KIF3B: variants seen among roughly 807,000 people sequenced by gnomAD.
KIF3B encodes the protein kinesin-like protein KIF3B.
Under a neutral mutation model 74.3 loss-of-function variants are expected in KIF3B, and 38 were observed. The observed-to-expected ratio is 0.51, with a 90% CI of 0.39 to 0.67. The LOEUF is 0.67. Ranked by LOEUF, KIF3B falls within the 30% of genes least tolerant of loss-of-function variation. The probability of loss-of-function intolerance (pLI) is 0.00; values close to 1 mark genes in which losing one functional copy is unlikely to be tolerated. For synonymous variants in KIF3B, 326 were observed against 342.5 expected (o/e 0.95, Z 0.53); for missense variants, 649 against 932.0 (o/e 0.70, Z 3.95).
chr20:32,299,197 A>G (rs1465451442), intron 1 of KIF3B, among the ~76,000 whole-genome samples: 2 of 151,366 alleles, frequency 1.3e-5, no homozygotes, highest in African/African-American at 2.4e-5. Context: ...CAACTACTCA[A>G]CTCTATTCAC....
At position 32,326,864 on chromosome 20, in the gene KIF3B, A is replaced by G. The variant is rs144941970; in HGVS notation, c.1842A>G (p.Leu614=). ...FFDEEEDHWK[L]HPITRLENQQ... is the part of the protein sequence containing the mutation. Reference sequence around the variant, plus strand: ...ATGAAGAGGAAGATCATTGGAAACTACATCCTATAACCAGACTGGAGTAAG... The same window carrying G: ...ATGAAGAGGAAGATCATTGGAAACTGCATCCTATAACCAGACTGGAGTAAG... Residue 614 remains leucine, a synonymous_variant, in exon 6 of 9, where the codon CTA becomes CTG. Transcript: ENST00000375712. 6.5e-5 allele frequency: 100 copies of G among 1,549,990 alleles called. 1 individual carries two copies. In the African/African-American group the frequency reaches 1.2e-3, roughly 18 times the overall value.
At chr20:32,277,998 TG>T (rs1290866319) in intron 1 of KIF3B, among the ~76,000 whole-genome samples, 1 of 152,090 alleles carries the variant, frequency 6.6e-6, no homozygotes, top group Non-Finnish European at 1.5e-5. Flanking sequence ...GCAGCCCACC[TG>T]GGGGCCCTGA....
At chr20:32,313,701 ATTTTGTTTTG>A (rs11472947) in intron 2 of KIF3B, among the ~76,000 whole-genome samples, 14 of 150,626 alleles carry the variant, frequency 9.3e-5, no homozygotes, top group Non-Finnish European at 1.8e-4. Context: ...CTGTGCCCAT[ATTTTGTTTTG>A]TTTTGTTTTG....
At chr20:32,329,089 G>A (rs954484604) in intron 7 of KIF3B, among the ~76,000 whole-genome samples, 1 of 152,164 alleles carries the variant, frequency 6.6e-6, no homozygotes, top group Non-Finnish European at 1.5e-5. Flanking sequence ...TGTATTTTTA[G>A]TGGAGACAGG....
At position 32,330,184 on chromosome 20, in the gene KIF3B, C is replaced by T. The variant is rs1056157711; in HGVS notation, c.2012C>T (p.Thr671Ile). Residue 671 changes from threonine to isoleucine, a missense_variant, in exon 8 of 9, where the codon ACC (threonine) becomes ATC (isoleucine). Thr to Ile is a moderately conservative substitution (Grantham distance 89, BLOSUM62 -1). Transcript: ENST00000375712. The part of the protein sequence containing the change: ...VLLELDMPSR[T>I]TRDYEGPAIA... ...TTAGAGCTGGACATGCCCAGCCGGA[C>T]CACCAGAGACTATGAGGGTCCAGCC... The T allele has an allele frequency of 1.2e-6, 2 of 1,613,970 alleles. No individual in the cohort carries two copies. The highest frequency in any genetic ancestry group is 1.7e-6 in the Non-Finnish European group (2 of 1,179,938).
intron 5 of KIF3B, among the ~76,000 whole-genome samples, chr20:32,325,264 C>G (rs1215657762): frequency 6.6e-6 from 1 of 152,162 alleles, no homozygotes; most frequent in Non-Finnish European, 1.5e-5. Flanking sequence ...TCTTGGCTCA[C>G]TGCAACCTCT....
rs1203738730 is a variant in KIF3B at position 32,330,151 on chromosome 20, T to C, written c.1979T>C (p.Ile660Thr). 1 of 1,612,810 alleles carries C rather than the reference T, an allele frequency of 6.2e-7. No homozygotes were observed. Among genetic ancestry groups the C allele is most frequent in the East Asian group, 2.2e-5 (1 of 44,826 alleles). Residue 660 changes from isoleucine to threonine, a missense_variant, in exon 8 of 9, where the codon ATT (isoleucine) becomes ACT (threonine). By Grantham distance (89) the Ile-to-Thr change is moderately conservative (BLOSUM62 -1). Coordinates refer to ENST00000375712, the MANE Select transcript of KIF3B (RefSeq NM_004798.4). ...GCTGTGCTTCTGCAGGCAGAAAACA[T>C]TGTGCTGTTAGAGCTGGACATGCCC... is the stretch of plus-strand genomic sequence containing the variant. ...RPEARYRAEN[I>T]VLLELDMPSR...
intron 7 of KIF3B, among the ~76,000 whole-genome samples, chr20:32,329,337 T>C (rs1455133028): frequency 6.7e-6 from 1 of 149,216 alleles, no homozygotes; most frequent in Non-Finnish European, 1.5e-5. Flanking sequence ...GCCACCGCAC[T>C]GGCCTTTTTT....
intron 5 of KIF3B, among the ~76,000 whole-genome samples, chr20:32,317,895 C>A (rs1314284875): frequency 6.6e-6 from 1 of 152,128 alleles, no homozygotes; most frequent in East Asian, 1.9e-4. Context: ...CCTGTTTCAG[C>A]CTCCCAAAGT....
At chr20:32,284,811 G>C (rs563012321) in intron 1 of KIF3B, among the ~76,000 whole-genome samples, 7 of 152,270 alleles carry the variant, frequency 4.6e-5, no homozygotes, top group African/African-American at 1.7e-4. Flanking sequence ...GAAGGTAATA[G>C]TCGTAGCTAA....
At chr20:32,295,958 G>A (rs890303080) in intron 1 of KIF3B, among the ~76,000 whole-genome samples, 3 of 150,500 alleles carry the variant, frequency 2.0e-5, no homozygotes, top group Non-Finnish European at 4.4e-5. Context: ...TCTGCCTCCC[G>A]GGTTTGAGTG....
At position 32,309,717 on chromosome 20, in the gene KIF3B, G is replaced by A. The variant is rs2047789970; in HGVS notation, c.-61G>A. On this transcript the variant is annotated 5_prime_UTR_variant, in exon 2 of 9. Transcript: ENST00000375712. ...TTACTTTTGCTTTTTCTCTAGGACC[G>A]TAGCATCCTGAGACATTTTGAATTG... 13 of 1,556,260 alleles carry A rather than the reference G, an allele frequency of 8.4e-6. No individual in the cohort carries two copies. The highest frequency in any genetic ancestry group is 1.8e-4 in the Middle Eastern group (1 of 5,588).
At position 32,333,080 on chromosome 20, in the gene KIF3B, C is replaced by T. The variant is rs1302760588; in HGVS notation, c.*1761C>T. 2 of 152,554 alleles carry T rather than the reference C, an allele frequency of 1.3e-5. No individual in the cohort carries two copies. Among genetic ancestry groups the T allele is most frequent in the Non-Finnish European group, 2.9e-5 (2 of 68,034 alleles). The allele number at this position is 152,554 out of a possible 1,614,324, so 9.5% of individuals were successfully genotyped here. A position where few individuals can be genotyped will look rare whatever the true frequency, so the allele number is the denominator to read the frequency against. The stretch of plus-strand genomic sequence containing the variant: ...TGCAAAATGGAGATCTGTTGTCCAG[C>T]GGCTTATCTCCTTTTTAGTAACCCT... On this transcript the variant is annotated 3_prime_UTR_variant, in exon 9 of 9. Transcript: ENST00000375712.
intron 1 of KIF3B, among the ~76,000 whole-genome samples, chr20:32,301,525 C>G (rs879784271): frequency 3.1e-4 from 47 of 151,870 alleles, no homozygotes; most frequent in Admixed American, 3.0e-3. Context: ...TACAGGCGCC[C>G]ACCACTATGC....
Position 32,309,810 on chromosome 20 carries a change from G to A in KIF3B, c.33G>A (p.Arg11=). Residue 11 remains arginine (R), a synonymous_variant, in exon 2 of 9, where the codon AGG becomes AGA. Coordinates refer to ENST00000375712, the MANE Select transcript of KIF3B (RefSeq NM_004798.4). MSKLKSSESV[R]VVVRCRPMNG... The stretch of plus-strand genomic sequence containing the variant: ...AGTTGAAAAGCTCAGAGTCAGTCAG[G>A]GTGGTGGTTCGCTGTCGGCCCATGA... 1.4e-5 allele frequency: 22 copies of A among 1,614,050 alleles called. No homozygotes were observed. The highest frequency in any genetic ancestry group is 1.9e-5 in the Non-Finnish European group (22 of 1,179,982).
chr20:32,324,553 G>A (rs970764542), intron 5 of KIF3B, among the ~76,000 whole-genome samples: 1 of 152,112 alleles, frequency 6.6e-6, no homozygotes, highest in African/African-American at 2.4e-5. Flanking sequence ...AACTCTGTAG[G>A]TAACGTTAAT....
intron 2 of KIF3B, among the ~76,000 whole-genome samples, chr20:32,311,767 C>A (rs2047801474): frequency 6.6e-6 from 1 of 151,606 alleles, no homozygotes; most frequent in Admixed American, 6.6e-5. Flanking sequence ...CGTACCCCCC[C>A]ACCCAGTGTA....
At chr20:32,291,853 G>A (rs2047692883) in intron 1 of KIF3B, among the ~76,000 whole-genome samples, 1 of 152,008 alleles carries the variant, frequency 6.6e-6, no homozygotes, top group Non-Finnish European at 1.5e-5. Context: ...CTGACCTCGA[G>A]TGATGCACCC....
chr20:32,288,822 T>C (rs78603554), intron 1 of KIF3B, among the ~76,000 whole-genome samples: 3,161 of 152,228 alleles, frequency 0.021, 53 homozygotes, highest in Non-Finnish European at 0.027. Flanking sequence ...CATTATAACA[T>C]TGGACAATGA....
Sources: allele counts gnomAD v4.1 joint callset (sites outside exome capture counted in the v4.1 genomes callset), GRCh38; gene constraint gnomAD v4.1.1; transcripts MANE v1.5; gene names NCBI Gene and HGNC (gene_info 2026-07-23, HGNC 2026-07-21).